Variants in CD200R1 observed in about 807,000 individuals in gnomAD.
The protein encoded by CD200R1 is CD200 receptor 1, also known as cell surface glycoprotein CD200 receptor 1.
A neutral mutation model predicts 38.1 loss-of-function variants in CD200R1; 30 were observed. That is an observed-to-expected ratio of 0.79 (90% CI 0.59 to 1.07). CD200R1 has a LOEUF of 1.07. CD200R1 is among the 50% of genes least tolerant of loss of function. The pLI, the probability that CD200R1 is intolerant of heterozygous loss-of-function variation, is 0.00. For synonymous variants in CD200R1, 128 were observed against 152.1 expected, an observed-to-expected ratio of 0.84 and a Z score of 1.16; for missense variants, 372 against 415.4, an observed-to-expected ratio of 0.90 and a Z score of 0.91.
rs1288568473 is a variant in CD200R1, at chr3:112,923,339, G to A, written c.*338C>T. ...ATATGTACATTAAAATATTCTGAAA[G>A]GATACACAAGAAACTGTTCACACTT... is the stretch of plus-strand genomic sequence containing the variant. On this transcript the variant is annotated 3_prime_UTR_variant, in exon 8 of 8. Coordinates refer to ENST00000308611, the MANE Select transcript of CD200R1 (RefSeq NM_138806.4). 5.6e-6 allele frequency: 1 copy of A among 179,826 alleles called. No individual in the cohort carries two copies. The highest frequency in any genetic ancestry group is 1.2e-5 in the Non-Finnish European group (1 of 86,348). The allele number at this position is 179,826 out of a possible 1,614,324, so 11.1% of individuals were successfully genotyped here.
At position 112,929,362 on chromosome 3, in the gene CD200R1, A is replaced by G. The variant is rs191804516; in HGVS notation, c.348T>C (p.Asn116=). The change falls in exon 4 of 8, where the codon AAT becomes AAC. Residue 116 remains asparagine, a synonymous_variant. Coordinates refer to ENST00000308611, the MANE Select transcript of CD200R1 (RefSeq NM_138806.4). ...CAGTACAGTTGGTTTCCTTGGTCTC[A>G]TTTGTTTCTTTCTTGTAGGCTTTTG... The part of the protein sequence containing the change: ...SCTKAYKKET[N]ETKETNCTDE... 2.4e-5 allele frequency: 38 copies of G among 1,614,012 alleles called. No individual in the cohort carries two copies. The Middle Eastern group carries it at 6.6e-4, about 28-fold the overall frequency.
At chr3:112,960,776 T>C (rs1172183262) in intron 1 of CD200R1, among the ~76,000 whole-genome samples, 1 of 152,068 alleles carries the variant, frequency 6.6e-6, no homozygotes, top group African/African-American at 2.4e-5. Flanking sequence ...CAGTAGTCTG[T>C]TCTTAACTGA....
intron 2 of CD200R1, among the ~76,000 whole-genome samples, chr3:112,932,847 A>T (rs1940481117): frequency 6.6e-6 from 1 of 151,980 alleles, no homozygotes; most frequent in Non-Finnish European, 1.5e-5. Context: ...CTGTTGGCAA[A>T]TATAACCCCA....
At chr3:112,927,177 GAGAATGAAATACC>G (rs1206200264) in intron 5 of CD200R1, among the ~76,000 whole-genome samples, 12 of 152,050 alleles carry the variant, frequency 7.9e-5, no homozygotes, top group African/African-American at 2.7e-4. Flanking sequence ...CAGGGAGGGT[GAGAATGAAATACC>G]AGACTGAAGA....
intron 2 of CD200R1, among the ~76,000 whole-genome samples, chr3:112,932,517 C>G (rs1356717815): frequency 2.0e-5 from 3 of 152,062 alleles, no homozygotes; most frequent in East Asian, 1.9e-4. Flanking sequence ...TGCCTCCTCC[C>G]CAACAAACAT....
intron 5 of CD200R1, among the ~76,000 whole-genome samples, chr3:112,926,773 T>C (rs928565796): frequency 7.3e-6 from 1 of 137,132 alleles, no homozygotes; most frequent in African/African-American, 2.6e-5. Context: ...GTAAAAATAA[T>C]TTTTTTTTTA....
intron 1 of CD200R1, among the ~76,000 whole-genome samples, chr3:112,951,979 T>C (rs1158013511): frequency 1.3e-5 from 2 of 151,068 alleles, no homozygotes; most frequent in Admixed American, 1.3e-4. Context: ...ATTGAGAAGA[T>C]AATTCTAAAA....
intron 1 of CD200R1, among the ~76,000 whole-genome samples, chr3:112,961,069 G>A (rs74873634): frequency 0.028 from 4,322 of 151,904 alleles, 194 homozygotes; most frequent in East Asian, 0.22. Flanking sequence ...AAAGAAAGGC[G>A]GGCGGTGAAA....
chr3:112,927,516 C>T (rs989558703), intron 5 of CD200R1, among the ~76,000 whole-genome samples: 3 of 152,016 alleles, frequency 2.0e-5, no homozygotes, highest in African/African-American at 7.3e-5. Flanking sequence ...TGAATCCATA[C>T]CCAAGGATTA....
At chr3:112,942,772 G>C (rs1278405993) in intron 2 of CD200R1, among the ~76,000 whole-genome samples, 2 of 151,416 alleles carry the variant, frequency 1.3e-5, no homozygotes, top group African/African-American at 4.8e-5. Flanking sequence ...TGAAAGAAAA[G>C]GGATGAATAA....
At chr3:112,950,638 A>G (rs767075915) in intron 1 of CD200R1, among the ~76,000 whole-genome samples, 4 of 152,206 alleles carry the variant, frequency 2.6e-5, no homozygotes, top group Non-Finnish European at 5.9e-5. Flanking sequence ...GCAAGTGCAC[A>G]TCGTATATTC....
chr3:112,942,938 T>TTAAA (rs1940760649), intron 2 of CD200R1, among the ~76,000 whole-genome samples: 1 of 151,754 alleles, frequency 6.6e-6, no homozygotes. Flanking sequence ...ATAATAATCC[T>TTAAA]TAACATATGT....
chr3:112,938,718 C>A (rs1167274425), intron 2 of CD200R1, among the ~76,000 whole-genome samples: 1 of 151,998 alleles, frequency 6.6e-6, no homozygotes, highest in Non-Finnish European at 1.5e-5. Context: ...TGAAATACTT[C>A]AAACTATTCC....
intron 1 of CD200R1, among the ~76,000 whole-genome samples, chr3:112,961,895 A>G (rs1407763167): frequency 6.6e-6 from 1 of 152,226 alleles, no homozygotes; most frequent in African/African-American, 2.4e-5. Context: ...TAAAGGTGAC[A>G]CAGTAATTAT....
chr3:112,941,891 C>A (rs1175987416), intron 2 of CD200R1, among the ~76,000 whole-genome samples: 1 of 151,544 alleles, frequency 6.6e-6, no homozygotes, highest in Non-Finnish European at 1.5e-5. Context: ...TACCCAACTT[C>A]TCCTCAGAGA....
chr3:112,946,090 TAC>T (rs1248529049), intron 2 of CD200R1, among the ~76,000 whole-genome samples: 1 of 112,016 alleles, frequency 8.9e-6, no homozygotes, highest in Non-Finnish European at 1.9e-5. Context: ...AAAAAAAAAA[TAC>T]AGTCATCCCT....
intron 1 of CD200R1, among the ~76,000 whole-genome samples, chr3:112,953,308 G>A (rs1321954183): frequency 6.6e-6 from 1 of 152,136 alleles, no homozygotes; most frequent in Non-Finnish European, 1.5e-5. Flanking sequence ...AAGTCCACTT[G>A]ATCATGATGA....
chr3:112,965,802 C>G (rs531004796), intron 1 of CD200R1, among the ~76,000 whole-genome samples: 102 of 151,974 alleles, frequency 6.7e-4, no homozygotes, highest in South Asian at 8.3e-4. Flanking sequence ...GGGAACACAG[C>G]ATGTTTGTAG....
intron 2 of CD200R1, among the ~76,000 whole-genome samples, chr3:112,936,677 T>A (rs897764444): frequency 6.6e-6 from 1 of 152,204 alleles, no homozygotes; most frequent in Non-Finnish European, 1.5e-5. Context: ...TTTGTTTAAG[T>A]TCCTTGTAGA....
Sources: gnomAD v4.1 joint callset for allele counts (sites outside exome capture counted in the v4.1 genomes callset) on GRCh38, gnomAD v4.1.1 for gene constraint, MANE v1.5 for transcripts, NCBI Gene and HGNC (gene_info 2026-07-23, HGNC 2026-07-21) for gene names.